MAP3K1: variants seen among roughly 807,000 people sequenced by gnomAD.
MAP3K1 encodes MAP/ERK kinase kinase 1.
Under a neutral mutation model 144.2 loss-of-function variants are expected in MAP3K1, and 36 were observed. The ratio of observed to expected loss-of-function variants is 0.25; its 90% CI spans 0.19 to 0.33. MAP3K1 has a LOEUF of 0.33. Among genes scored for constraint, MAP3K1 ranks in the 10% least tolerant of loss-of-function variants. The pLI, the probability that MAP3K1 is intolerant of heterozygous loss-of-function variation, is 1.00. For missense variants in MAP3K1, 1,650 were observed against 1,881.9 expected (o/e 0.88, Z 2.28); for synonymous variants, 718 against 688.7 (o/e 1.04, Z -0.67).
At chr5:56,820,142 T>G (rs1033239287) in intron 1 of MAP3K1, among the ~76,000 whole-genome samples, 8 of 152,120 alleles carry the variant, frequency 5.3e-5, no homozygotes, top group Non-Finnish European at 8.8e-5. Context: ...GTGTATGATA[T>G]CTATTATATG....
At chr5:56,835,470 G>A (rs1746624614) in intron 1 of MAP3K1, among the ~76,000 whole-genome samples, 1 of 151,700 alleles carries the variant, frequency 6.6e-6, no homozygotes, top group Non-Finnish European at 1.5e-5. Context: ...AGACAGGAAG[G>A]TAGGAAGAGG....
intron 19 of MAP3K1, 86 bp from the exon 20 acceptor site, chr5:56,893,443 ATG>A: frequency 1.5e-6 from 2 of 1,340,492 alleles, no homozygotes; most frequent in Non-Finnish European, 2.1e-6. Flanking sequence ...CAGGATGTAA[ATG>A]TAAGGGTTAT....
At chr5:56,839,977 T>C (rs535570157) in intron 1 of MAP3K1, among the ~76,000 whole-genome samples, 45 of 152,328 alleles carry the variant, frequency 3.0e-4, no homozygotes, top group African/African-American at 9.6e-4. Context: ...GTTTGGGGTC[T>C]CTAGAAGTTT....
At chr5:56,883,754 G>A in intron 15 of MAP3K1, 75 bp downstream of exon 15, 2 of 1,472,886 alleles carry the variant, frequency 1.4e-6, no homozygotes, top group Non-Finnish European at 1.9e-6. Context: ...AAGAATAAAG[G>A]ATATGTCCAC....
intron 1 of MAP3K1, chr5:56,820,388 T>C: frequency 1.0e-6 from 1 of 973,936 alleles, no homozygotes; most frequent in Non-Finnish European, 1.2e-6. Context: ...ATTAATTGAT[T>C]ATTTTTAAGG....
chr5:56,895,213 A>G lies in MAP3K1; in HGVS notation c.*1533A>G, dbSNP rs1292408173. ...GGATATATTGCTTACAATTTTTAAAAGGCAGTTTGTTTTTTATGTGAATAT... is the reference window on the plus strand; with the variant it reads ...GGATATATTGCTTACAATTTTTAAAGGGCAGTTTGTTTTTTATGTGAATAT... On this transcript the variant is annotated 3_prime_UTR_variant, in exon 20 of 20. Transcript: ENST00000399503. The G allele has an allele frequency of 4.3e-6, 1 of 232,024 alleles. No homozygotes were observed. The highest frequency in any genetic ancestry group is 2.2e-5 in the African/African-American group (1 of 45,306). 14.4% of individuals were successfully genotyped at this position (232,024 alleles called of 1,614,324 possible).
At chr5:56,833,259 A>G (rs939849864) in intron 1 of MAP3K1, among the ~76,000 whole-genome samples, 1 of 152,256 alleles carries the variant, frequency 6.6e-6, no homozygotes, top group East Asian at 1.9e-4. Context: ...TTACAAGGCC[A>G]GGGAAGAGAC....
At chr5:56,883,458 T>G in intron 14 of MAP3K1, 69 bp from the exon 15 acceptor site, 4 of 1,452,956 alleles carry the variant, frequency 2.8e-6, no homozygotes. Context: ...AAGAATAATA[T>G]CTTGCAGACT....
At chr5:56,826,088 T>G (rs1426365867) in intron 1 of MAP3K1, among the ~76,000 whole-genome samples, 2 of 152,152 alleles carry the variant, frequency 1.3e-5, no homozygotes, top group Non-Finnish European at 2.9e-5. Context: ...ACCAGCTGAA[T>G]TCCAGCTCTG....
intron 2 of MAP3K1, among the ~76,000 whole-genome samples, chr5:56,858,513 G>A (rs956121720): frequency 2.0e-5 from 3 of 152,082 alleles, no homozygotes; most frequent in Non-Finnish European, 2.9e-5. Flanking sequence ...TACGGATTTC[G>A]TATTATCCTT....
chr5:56,833,197 C>T (rs1746549461), intron 1 of MAP3K1, among the ~76,000 whole-genome samples: 2 of 152,162 alleles, frequency 1.3e-5, no homozygotes, highest in South Asian at 4.1e-4. Context: ...ATATGAAGTT[C>T]TTCTAAAATA....
rs1378462208 is a variant in MAP3K1 at position 56,882,774 on chromosome 5, G to T, written c.3574G>T (p.Ala1192Ser). The T allele has an allele frequency of 2.5e-6, 4 of 1,611,884 alleles. No homozygotes were observed. The South Asian group carries it at 4.4e-5, about 18-fold the overall frequency. Residue 1192 changes from alanine (A) to serine (S), a missense_variant, in exon 14 of 20, where the codon GCC becomes TCC. Ala to Ser is a moderately conservative substitution (Grantham distance 99). This residue lies in a region of MAP3K1 where 841 missense variants were observed against 886.5 expected (regional missense o/e 0.95). Transcript: ENST00000399503. ...EAEEEEALAI[A>S]MAMSASQDAL... ...TGAAGAAGAAGAAGCTTTAGCAATT[G>T]CCATGGCAATGTCAGCGTCTCAGGA...
chr5:56,849,200 A>T (rs1177026039), intron 1 of MAP3K1, among the ~76,000 whole-genome samples: 1 of 152,118 alleles, frequency 6.6e-6, no homozygotes. Context: ...GTACAAAAAA[A>T]TGAGTCAGGT....
intron 10 of MAP3K1, among the ~76,000 whole-genome samples, chr5:56,875,809 A>G (rs997190785): frequency 5.9e-5 from 9 of 152,220 alleles, no homozygotes; most frequent in African/African-American, 2.2e-4. Context: ...TTTTCTGAGC[A>G]GATACCTTAT....
chr5:56,892,577 C>G (rs1363808659), intron 19 of MAP3K1, among the ~76,000 whole-genome samples: 5 of 151,930 alleles, frequency 3.3e-5, no homozygotes, highest in Non-Finnish European at 7.4e-5. Flanking sequence ...AACAGTTAAC[C>G]TAGGATTTCA....
intron 16 of MAP3K1, 73 bp downstream of exon 16, chr5:56,884,899 T>A: frequency 7.3e-7 from 1 of 1,372,448 alleles, no homozygotes; most frequent in East Asian, 2.4e-5. Context: ...AAAACCAGTT[T>A]AATTAAAATT....
chr5:56,865,722 C>G, intron 5 of MAP3K1, 107 bp from the exon 6 acceptor site: 1 of 1,194,804 alleles, frequency 8.4e-7, no homozygotes, highest in Non-Finnish European at 1.2e-6. Context: ...CTTAAATCAA[C>G]TTTATGAAAA....
chr5:56,817,554 G>T (rs1324379967), intron 1 of MAP3K1, among the ~76,000 whole-genome samples: 1 of 152,162 alleles, frequency 6.6e-6, no homozygotes, highest in Admixed American at 6.5e-5. Context: ...AAGGAGATTT[G>T]TGACTGATAC....
chr5:56,832,784 A>G (rs2111787027), intron 1 of MAP3K1, among the ~76,000 whole-genome samples: 1 of 152,364 alleles, frequency 6.6e-6, no homozygotes, highest in Middle Eastern at 3.4e-3. Flanking sequence ...AGTCAAAATC[A>G]TATGTAGTGA....
Sources: allele counts gnomAD v4.1 joint callset (sites outside exome capture counted in the v4.1 genomes callset), GRCh38; gene constraint gnomAD v4.1.1; regional missense constraint gnomAD v4.1.1; transcripts MANE v1.5; gene names NCBI Gene and HGNC (gene_info 2026-07-23, HGNC 2026-07-21).